Variants in NRXN3 observed in about 807,000 individuals in gnomAD.
NRXN3 encodes the protein neurexin 3, also known as neurexin III.
NRXN3 carries 32 observed loss-of-function variants against 137.6 expected under a neutral mutation model. The observed-to-expected ratio is 0.23, with a 90% CI of 0.18 to 0.31. NRXN3 has a LOEUF of 0.31. Among genes scored for constraint, NRXN3 ranks in the 10% least tolerant of loss-of-function variants. The pLI, the probability that NRXN3 is intolerant of heterozygous loss-of-function variation, is 1.00. For missense variants in NRXN3, 1,574 were observed against 2,062.5 expected (o/e 0.76, Z 4.59); for synonymous variants, 798 against 784.5 (o/e 1.02, Z -0.29).
chr14:79,729,034 G>T (rs1343075422), intron 19 of NRXN3, among the ~76,000 whole-genome samples: 1 of 152,070 alleles, frequency 6.6e-6, no homozygotes, highest in Non-Finnish European at 1.5e-5. Flanking sequence ...CAAAATCCTT[G>T]TCACCTTGAC....
chr14:78,453,215 T>G (rs907295829), intron 4 of NRXN3, among the ~76,000 whole-genome samples: 5 of 152,208 alleles, frequency 3.3e-5, no homozygotes, highest in Non-Finnish European at 5.9e-5. Flanking sequence ...GCATTGATAG[T>G]GTTTAAAGAG....
rs1177268131 is a variant in NRXN3, at chr14:79,771,510, A to G, written c.4015-33602A>G. 7.3e-5 allele frequency among the ~76,000 whole-genome samples: 11 copies of G among 151,518 alleles called. No individual in the cohort carries two copies. The East Asian group carries it at 1.6e-3, about 21-fold the overall frequency. ...CAATGTAATCCAGCATATAAACAGA[A>G]CCAAAGACAAAAACCACATGATTAT... On this transcript the variant is annotated intron_variant, in intron 19 of 20. Transcript: ENST00000335750.
At chr14:79,751,146 G>A (rs1013166280) in intron 19 of NRXN3, among the ~76,000 whole-genome samples, 1 of 151,934 alleles carries the variant, frequency 6.6e-6, no homozygotes, top group Non-Finnish European at 1.5e-5. Context: ...CATTGAATCT[G>A]TAAATTACCT....
intron 8 of NRXN3, among the ~76,000 whole-genome samples, chr14:78,729,136 C>T (rs572935485): frequency 5.3e-5 from 8 of 152,212 alleles, no homozygotes; most frequent in Non-Finnish European, 1.2e-4. Context: ...ATTCTTCTCT[C>T]TTTTAATTTT....
chr14:79,786,339 G>A (rs1012831170), intron 19 of NRXN3, among the ~76,000 whole-genome samples: 7 of 152,108 alleles, frequency 4.6e-5, no homozygotes, highest in African/African-American at 1.4e-4. Context: ...ATATTGTTAT[G>A]GATACATTTT....
chr14:79,775,219 T>C (rs528717359), intron 19 of NRXN3, among the ~76,000 whole-genome samples: 1 of 152,292 alleles, frequency 6.6e-6, no homozygotes, highest in South Asian at 2.1e-4. Flanking sequence ...CTGTTTTGTA[T>C]TAAATATCAC....
chr14:78,337,114 G>A (rs2081568350), intron 4 of NRXN3, among the ~76,000 whole-genome samples: 1 of 152,102 alleles, frequency 6.6e-6, no homozygotes, highest in Non-Finnish European at 1.5e-5. Context: ...CCTCAGTGGT[G>A]TCTTAAGGTG....
At position 78,473,418 on chromosome 14, in the gene NRXN3, AT is replaced by A. The variant is rs145524957; in HGVS notation, c.758-171701del. Among the ~76,000 whole-genome samples the A allele has an allele frequency of 5.6e-3, 811 of 144,760 alleles. 42 individuals carry two copies. The East Asian group carries it at 0.092, about 16-fold the overall frequency. The allele number at this position is 144,760 out of a possible 152,430, so 95.0% of individuals were successfully genotyped here. A position where few individuals can be genotyped will look rare whatever the true frequency, so the allele number is the denominator to read the frequency against. ...CTCTGTCTCAAAAAAAAAAAAAAAA[AT>A]GAAAAACCTTTCTTTTGTGAAACTT... On this transcript the variant is annotated intron_variant, in intron 4 of 20. Coordinates refer to ENST00000335750, the MANE Select transcript of NRXN3 (RefSeq NM_001330195.2).
chr14:78,480,348 A>G (rs941604102), intron 4 of NRXN3, among the ~76,000 whole-genome samples: 1 of 152,204 alleles, frequency 6.6e-6, no homozygotes, highest in Non-Finnish European at 1.5e-5. Context: ...TAAAGGTTAG[A>G]GGAGCATCTT....
At chr14:79,462,367 C>T (rs940616381) in intron 15 of NRXN3, among the ~76,000 whole-genome samples, 1 of 151,140 alleles carries the variant, frequency 6.6e-6, no homozygotes, top group Non-Finnish European at 1.5e-5. Flanking sequence ...GAGCAAAACT[C>T]CATCTCAAAA....
At chr14:79,380,694 A>G (rs535997740) in intron 15 of NRXN3, among the ~76,000 whole-genome samples, 2 of 152,156 alleles carry the variant, frequency 1.3e-5, no homozygotes, top group Non-Finnish European at 2.9e-5. Flanking sequence ...ATGATTTATA[A>G]TCCTTTGGGT....
intron 4 of NRXN3, among the ~76,000 whole-genome samples, chr14:78,357,395 A>T (rs1265849065): frequency 6.6e-6 from 1 of 152,132 alleles, no homozygotes; most frequent in African/African-American, 2.4e-5. Context: ...TTCCCACCAC[A>T]TGTGGGAATT....
rs1566902433 is a variant in NRXN3, at chr14:79,358,613, GAA to G, written c.3263-108606_3263-108605del. Among the ~76,000 whole-genome samples, 324 of 129,126 alleles carry G rather than the reference GAA, an allele frequency of 2.5e-3. 2 individuals are homozygous for G. Among genetic ancestry groups the G allele is most frequent in the South Asian group, 5.9e-3 (23 of 3,894 alleles). 84.7% of individuals were successfully genotyped at this position (129,126 alleles called of 152,430 possible). The stretch of plus-strand genomic sequence containing the variant: ...AAAGAAAGAAAGAAAGAAAGAGAAA[GAA>G]AGAAAGAAAGAAAGAAAGAAAGAAA... On this transcript the variant is annotated intron_variant, in intron 15 of 20. Transcript: ENST00000335750.
At chr14:79,581,287 A>T (rs2097713756) in intron 16 of NRXN3, among the ~76,000 whole-genome samples, 1 of 152,092 alleles carries the variant, frequency 6.6e-6, no homozygotes, top group African/African-American at 2.4e-5. Context: ...GCTTCTCTCA[A>T]CACTCATCTC....
At chr14:78,507,550 C>G (rs1023635183) in intron 4 of NRXN3, among the ~76,000 whole-genome samples, 1 of 152,188 alleles carries the variant, frequency 6.6e-6, no homozygotes, top group African/African-American at 2.4e-5. Flanking sequence ...AATTGATCAT[C>G]CACCTTTCTA....
chr14:78,526,766 G>A (rs1314657870), intron 4 of NRXN3: 1 of 517,992 alleles, frequency 1.9e-6, no homozygotes, highest in Admixed American at 1.9e-5. Flanking sequence ...TTATAGACAG[G>A]AAAGCTGAGT....
At chr14:78,660,276 T>TATATA (rs1566997203) in intron 6 of NRXN3, among the ~76,000 whole-genome samples, 1 of 150,238 alleles carries the variant, frequency 6.7e-6, no homozygotes, top group East Asian at 1.9e-4. Flanking sequence ...TATATATATA[T>TATATA]TTGGCAACTG....
intron 15 of NRXN3, among the ~76,000 whole-genome samples, chr14:79,316,141 A>G (rs180833744): frequency 6.6e-6 from 1 of 152,342 alleles, no homozygotes. Context: ...AGTGTTCTCA[A>G]GACAGGAACA....
At chr14:79,359,322 C>T (rs1207639588) in intron 15 of NRXN3, among the ~76,000 whole-genome samples, 3 of 152,116 alleles carry the variant, frequency 2.0e-5, no homozygotes, top group African/African-American at 4.8e-5. Context: ...AAGTAACTGC[C>T]TTGCAAGGGT....
Sources: gnomAD v4.1 joint callset for allele counts (sites outside exome capture counted in the v4.1 genomes callset) on GRCh38, gnomAD v4.1.1 for gene constraint, MANE v1.5 for transcripts, NCBI Gene and HGNC (gene_info 2026-07-23, HGNC 2026-07-21) for gene names.